Variants in CCDC175 observed in about 807,000 individuals in gnomAD.
CCDC175 encodes coiled-coil domain-containing protein 175.
In CCDC175, 100 loss-of-function variants were observed where a neutral mutation model predicts 114.6. That is an observed-to-expected ratio of 0.87 (90% confidence interval 0.74 to 1.03). CCDC175 has a LOEUF of 1.03. Ranked by LOEUF, CCDC175 falls within the 50% of genes least tolerant of loss-of-function variation. The pLI is 0.00. For synonymous variants in CCDC175, 306 were observed against 308.7 expected, an observed-to-expected ratio of 0.99 and a Z score of 0.09; for missense variants, 880 against 917.8, an observed-to-expected ratio of 0.96 and a Z score of 0.53.
At chr14:59,545,399 T>C in intron 8 of CCDC175, 100 bp from the exon 9 acceptor site, 1 of 993,364 alleles carries the variant, frequency 1.0e-6, no homozygotes. Context: ...GGGATATTGC[T>C]TAGCCCACCG....
intron 4 of CCDC175, among the ~76,000 whole-genome samples, chr14:59,565,935 GTCA>G (rs1233120463): frequency 3.3e-5 from 5 of 152,096 alleles, no homozygotes; most frequent in African/African-American, 9.7e-5. Flanking sequence ...GATATGTATT[GTCA>G]TCATGTCTAT....
chr14:59,576,077 C>A (rs1248468570), intron 1 of CCDC175, among the ~76,000 whole-genome samples: 5 of 152,170 alleles, frequency 3.3e-5, no homozygotes, highest in African/African-American at 1.2e-4. Flanking sequence ...ACAGGTTCAG[C>A]TTTCTAACTG....
chr14:59,519,803 A>C (rs920434904), intron 17 of CCDC175, among the ~76,000 whole-genome samples: 4 of 152,190 alleles, frequency 2.6e-5, no homozygotes, highest in Admixed American at 6.5e-5. Context: ...TGAAAATAAC[A>C]CTGTGACTGA....
chr14:59,538,022 C>T lies in CCDC175; in HGVS notation c.1623+1G>A, dbSNP rs1894514425. 7 of 1,518,858 alleles carry T rather than the reference C, an allele frequency of 4.6e-6. No homozygotes were observed. The highest frequency in any genetic ancestry group is 6.2e-6 in the Non-Finnish European group (7 of 1,132,796). The allele number at this position is 1,518,858 out of a possible 1,614,324, so 94.1% of individuals were successfully genotyped here. A position where few individuals can be genotyped will look rare whatever the true frequency, so the allele number is the denominator to read the frequency against. On this transcript the variant is annotated splice_donor_variant, in intron 13 of 19. Coordinates refer to ENST00000537690, the MANE Select transcript of CCDC175 (RefSeq NM_001164399.2). LOFTEE classifies it high-confidence loss of function. Reference sequence around the variant, plus strand: ...ATTCTTAGATGCAAAATAAAATTTACCTCATACTTGCTTAACTCTTTCATT... The same window carrying T: ...ATTCTTAGATGCAAAATAAAATTTATCTCATACTTGCTTAACTCTTTCATT...
intron 13 of CCDC175, among the ~76,000 whole-genome samples, chr14:59,537,302 T>G (rs993966663): frequency 4.0e-5 from 6 of 151,878 alleles, no homozygotes; most frequent in Non-Finnish European, 8.8e-5. Context: ...TGGGATGGGG[T>G]GGGGGAAGAC....
chr14:59,542,357 C>T (rs1410250290), intron 10 of CCDC175, among the ~76,000 whole-genome samples: 2 of 152,116 alleles, frequency 1.3e-5, no homozygotes, highest in Non-Finnish European at 2.9e-5. Flanking sequence ...GCTCCTTATG[C>T]TCAGTCTTAA....
chr14:59,514,129 A>C (rs369605943), intron 17 of CCDC175, among the ~76,000 whole-genome samples: 1 of 152,172 alleles, frequency 6.6e-6, no homozygotes, highest in Non-Finnish European at 1.5e-5. Flanking sequence ...GGAAAACTAA[A>C]AAACAGAAAG....
chr14:59,535,725 T>C (rs1419166036), intron 13 of CCDC175, among the ~76,000 whole-genome samples: 1 of 152,354 alleles, frequency 6.6e-6, no homozygotes, highest in East Asian at 1.9e-4. Context: ...AATGGCTTTC[T>C]AGCCCAGACA....
At chr14:59,533,472 T>A (rs1211815650) in intron 13 of CCDC175, among the ~76,000 whole-genome samples, 1 of 152,202 alleles carries the variant, frequency 6.6e-6, no homozygotes, top group Non-Finnish European at 1.5e-5. Context: ...CTTGCTTATG[T>A]TCACTGTGTT....
At chr14:59,546,615 G>T (rs1895126937) in intron 8 of CCDC175, among the ~76,000 whole-genome samples, 1 of 151,562 alleles carries the variant, frequency 6.6e-6, no homozygotes, top group Non-Finnish European at 1.5e-5. Context: ...CCAAGTTTTG[G>T]GTTTTTTTGC....
intron 17 of CCDC175, among the ~76,000 whole-genome samples, chr14:59,516,237 C>T (rs1477955477): frequency 1.3e-5 from 2 of 152,086 alleles, no homozygotes; most frequent in African/African-American, 2.4e-5. Flanking sequence ...AATTGACACC[C>T]TAACATCACA....
chr14:59,529,740 C>CTT (rs1359686380), intron 14 of CCDC175, among the ~76,000 whole-genome samples: 7 of 151,990 alleles, frequency 4.6e-5, no homozygotes, highest in Non-Finnish European at 1.5e-5. Flanking sequence ...AAAAAAAAAC[C>CTT]TTTATATACA....
chr14:59,553,783 T>C (rs1484153482), intron 7 of CCDC175, among the ~76,000 whole-genome samples: 1 of 150,762 alleles, frequency 6.6e-6, no homozygotes, highest in Non-Finnish European at 1.5e-5. Context: ...ACCAAGCAAA[T>C]GGAAAACAAA....
chr14:59,528,291 T>G (rs1011887163), intron 14 of CCDC175, among the ~76,000 whole-genome samples: 3 of 152,178 alleles, frequency 2.0e-5, no homozygotes, highest in Admixed American at 2.0e-4. Context: ...CTTTCCATTT[T>G]TCCTTCTGAA....
At position 59,538,008 on chromosome 14, in the gene CCDC175, C is replaced by A. The variant is rs573244574; in HGVS notation, c.1623+15G>T. 4 of 1,505,600 alleles carry A rather than the reference C, an allele frequency of 2.7e-6. No homozygotes were observed. In the African/African-American group the frequency reaches 4.2e-5, roughly 16 times the overall value. 93.3% of individuals were successfully genotyped at this position (1,505,600 alleles called of 1,614,324 possible). A position where few individuals can be genotyped will look rare whatever the true frequency, so the allele number is the denominator to read the frequency against. ...AGTCATCCAAAAGTATTCTTAGATG[C>A]AAAATAAAATTTACCTCATACTTGC... On this transcript the variant is annotated intron_variant, in intron 13 of 19. Coordinates refer to ENST00000537690, the MANE Select transcript of CCDC175 (RefSeq NM_001164399.2).
chr14:59,541,625 T>C (rs1222946799), intron 10 of CCDC175, among the ~76,000 whole-genome samples: 5 of 152,224 alleles, frequency 3.3e-5, no homozygotes. Context: ...TATCCTCCTC[T>C]GGATCTCTAA....
chr14:59,546,013 T>G (rs2058667271), intron 8 of CCDC175, among the ~76,000 whole-genome samples: 1 of 152,216 alleles, frequency 6.6e-6, no homozygotes, highest in Non-Finnish European at 1.5e-5. Flanking sequence ...AGGATACCTG[T>G]GCTCATGTTT....
At chr14:59,524,172 G>T (rs1594997501) in intron 16 of CCDC175, among the ~76,000 whole-genome samples, 1 of 152,032 alleles carries the variant, frequency 6.6e-6, no homozygotes, top group Middle Eastern at 3.4e-3. Flanking sequence ...AATTTTTGTT[G>T]TTACTGTTTT....
chr14:59,545,115 A>G (rs535692047), intron 9 of CCDC175, 48 bp downstream of exon 9: 1 of 1,497,690 alleles, frequency 6.7e-7, no homozygotes, highest in East Asian at 2.5e-5. Context: ...CAAGAAAAGC[A>G]CCCCATAATG....
Sources: gnomAD v4.1 joint callset for allele counts (sites outside exome capture counted in the v4.1 genomes callset) on GRCh38, gnomAD v4.1.1 for gene constraint, MANE v1.5 for transcripts, NCBI Gene and HGNC (gene_info 2026-07-23, HGNC 2026-07-21) for gene names.